The following TMED8 variants were observed in gnomAD, a reference collection of about 807,000 sequenced individuals.
The protein encoded by TMED8 is protein TMED8.
Under a neutral mutation model 32.7 loss-of-function variants are expected in TMED8, and 15 were observed. The ratio of observed to expected loss-of-function variants is 0.46; its 90% CI spans 0.31 to 0.71. The LOEUF (loss-of-function observed/expected upper bound fraction) is 0.71, where lower values mean the gene tolerates loss of function less well. TMED8 is among the 30% of genes least tolerant of loss of function. The pLI is 0.06. For synonymous variants in TMED8, 147 were observed against 161.4 expected (o/e 0.91, Z 0.68); for missense variants, 390 against 423.9 (o/e 0.92, Z 0.70).
In TMED8 at chr14:77,335,231, A is replaced by G. The variant is rs902035353; in HGVS notation, c.*6540T>C. On this transcript the variant is annotated 3_prime_UTR_variant, in exon 6 of 6. Transcript: ENST00000216468. Reference sequence around the variant, plus strand: ...ATAAAAATGGTATTTTAAAAGAAAAACCACTCAGCAGGACACAAGAATTAA... The same window carrying G: ...ATAAAAATGGTATTTTAAAAGAAAAGCCACTCAGCAGGACACAAGAATTAA... 2.6e-5 allele frequency: 4 copies of G among 152,180 alleles called. No homozygotes were observed. Among genetic ancestry groups the G allele is most frequent in the Non-Finnish European group, 4.4e-5 (3 of 68,016 alleles). The allele number at this position is 152,180 out of a possible 1,614,324, so 9.4% of individuals were successfully genotyped here. A position where few individuals can be genotyped will look rare whatever the true frequency, so the allele number is the denominator to read the frequency against.
Position 77,372,938 on chromosome 14 carries a change from ATATATATATATATATTTTTTTTTTTTTTT to A in TMED8, c.118+3969_118+3997del, listed in dbSNP as rs1205921184. On this transcript the variant is annotated intron_variant, in intron 1 of 5. Coordinates refer to ENST00000216468, the MANE Select transcript of TMED8 (RefSeq NM_213601.3). ...TATATATATATATATATATATATAT[ATATATATATATATATTTTTTTTTTTTTTT>A]TTTTTTTTTTTTTTTTGAGACAGCG... 2.0e-3 allele frequency among the ~76,000 whole-genome samples: 55 copies of A among 27,990 alleles called. 1 individual carries two copies. Among genetic ancestry groups the A allele is most frequent in the Admixed American group, 5.5e-3 (15 of 2,736 alleles). The allele number at this position is 27,990 out of a possible 152,430, so 18.4% of individuals were successfully genotyped here. A position where few individuals can be genotyped will look rare whatever the true frequency, so the allele number is the denominator to read the frequency against.
In TMED8 at chr14:77,376,877, G is replaced by T; in HGVS notation, c.118+59C>A. On this transcript the variant is annotated intron_variant, in intron 1 of 5. Coordinates refer to ENST00000216468, the MANE Select transcript of TMED8 (RefSeq NM_213601.3). This position sits in a 1 kb window ranked among gnomAD's most constrained non-coding sequence, Gnocchi z 4.0. Reference sequence around the variant, plus strand: ...ACAGAGCGCGGCGGAGGCTCGCGCCGTGGTGCGGGGCCCTGAGGCCGGGCG... The same window carrying T: ...ACAGAGCGCGGCGGAGGCTCGCGCCTTGGTGCGGGGCCCTGAGGCCGGGCG... The T allele has an allele frequency of 1.8e-6, 2 of 1,096,046 alleles. No individual in the cohort carries two copies. The highest frequency in any genetic ancestry group is 2.4e-6 in the Non-Finnish European group (2 of 830,734). 67.9% of individuals were successfully genotyped at this position (1,096,046 alleles called of 1,614,324 possible).
chr14:77,359,699 G>A (rs1893384410), intron 1 of TMED8: 2 of 276,236 alleles, frequency 7.2e-6, no homozygotes, highest in African/African-American at 2.3e-5. Context: ...AACCATGGTT[G>A]TTAGATGTCT....
In TMED8 at chr14:77,376,885, G is replaced by A. The variant is rs1050205527; in HGVS notation, c.118+51C>T. The A allele has an allele frequency of 2.4e-5, 28 of 1,158,374 alleles. No individual in the cohort carries two copies. The highest frequency in any genetic ancestry group is 3.0e-5 in the Non-Finnish European group (26 of 880,702). 71.8% of individuals were successfully genotyped at this position (1,158,374 alleles called of 1,614,324 possible). A position where few individuals can be genotyped will look rare whatever the true frequency, so the allele number is the denominator to read the frequency against. ...CGGCGGAGGCTCGCGCCGTGGTGCG[G>A]GGCCCTGAGGCCGGGCGGCACCCAC... On this transcript the variant is annotated intron_variant, in intron 1 of 5. Coordinates refer to ENST00000216468, the MANE Select transcript of TMED8 (RefSeq NM_213601.3). The surrounding 1 kb of genome is among the most constrained non-coding windows in gnomAD (Gnocchi z 4.0).
rs942750760 is a variant in TMED8, at chr14:77,341,721, G to C, written c.*50C>G. 8.8e-6 allele frequency: 14 copies of C among 1,588,364 alleles called. No individual in the cohort carries two copies. The Admixed American group carries it at 1.3e-4, about 15-fold the overall frequency. On this transcript the variant is annotated 3_prime_UTR_variant, in exon 6 of 6. Coordinates refer to ENST00000216468, the MANE Select transcript of TMED8 (RefSeq NM_213601.3). ...TATCCCAAACAAGAGGCACCAGCTG[G>C]CAGCCTGCTTCAGCCAGCAAATACA... is the stretch of plus-strand genomic sequence containing the variant.
At position 77,376,393 on chromosome 14, in the gene TMED8, T is replaced by C. The variant is rs1002361367; in HGVS notation, c.118+543A>G. Among the ~76,000 whole-genome samples, 17 of 152,210 alleles carry C rather than the reference T, an allele frequency of 1.1e-4. No homozygotes were observed. The highest frequency in any genetic ancestry group is 1.5e-4 in the Non-Finnish European group (10 of 68,028). ...TTCCCACTCTAAGCGATGGAGAGGA[T>C]GGCAGCAAGGCCAGGGGGCCTATGT... On this transcript the variant is annotated intron_variant, in intron 1 of 5. Transcript: ENST00000216468. This position sits in a 1 kb window ranked among gnomAD's most constrained non-coding sequence, Gnocchi z 4.0.
chr14:77,372,906 TTATATATATATATATATATATATA>T (rs1167584417), intron 1 of TMED8, among the ~76,000 whole-genome samples: 7 of 35,342 alleles, frequency 2.0e-4, no homozygotes, highest in African/African-American at 5.8e-4. Context: ...GCCACAGATA[TTATATATATATATATATATATATA>T]TATATATATA....
intron 1 of TMED8, among the ~76,000 whole-genome samples, chr14:77,354,692 G>A (rs1023194529): frequency 7.9e-5 from 12 of 152,196 alleles, no homozygotes; most frequent in African/African-American, 2.9e-4. Context: ...AGTGGCTCAT[G>A]CCTGTAATCC....
In TMED8 at chr14:77,338,462, T is replaced by C. The variant is rs143408357; in HGVS notation, c.*3309A>G. 1 of 152,340 alleles carries C rather than the reference T, an allele frequency of 6.6e-6. No individual in the cohort carries two copies. The highest frequency in any genetic ancestry group is 1.9e-4 in the East Asian group (1 of 5,180). The allele number at this position is 152,340 out of a possible 1,614,324, so 9.4% of individuals were successfully genotyped here. Reference sequence around the variant, plus strand: ...CTCCCTTACTTTAACTTAAGCTGACTTCATCTTTTCAGGTAAAGTTTAACT... The same window carrying C: ...CTCCCTTACTTTAACTTAAGCTGACCTCATCTTTTCAGGTAAAGTTTAACT... On this transcript the variant is annotated 3_prime_UTR_variant, in exon 6 of 6. Coordinates refer to ENST00000216468, the MANE Select transcript of TMED8 (RefSeq NM_213601.3).
Position 77,340,653 on chromosome 14 carries a change from G to A in TMED8, c.*1118C>T, listed in dbSNP as rs1892874732. 1 of 152,146 alleles carries A rather than the reference G, an allele frequency of 6.6e-6. No individual in the cohort carries two copies. Among genetic ancestry groups the A allele is most frequent in the Non-Finnish European group, 1.5e-5 (1 of 68,048 alleles). The allele number at this position is 152,146 out of a possible 1,614,324, so 9.4% of individuals were successfully genotyped here. On this transcript the variant is annotated 3_prime_UTR_variant, in exon 6 of 6. Coordinates refer to ENST00000216468, the MANE Select transcript of TMED8 (RefSeq NM_213601.3). ...CTGTCACCAGGGAAATGCAAGCTTT[G>A]GTCAGGTAAAGAACAAATACAATCA...
rs774005533 is a variant in TMED8 at position 77,343,053 on chromosome 14, T to C, written c.760+125A>G. The C allele has an allele frequency of 5.3e-4, 509 of 954,264 alleles. 2 individuals are homozygous for C. Among genetic ancestry groups the C allele is most frequent in the Non-Finnish European group, 7.3e-4 (471 of 645,276 alleles). The allele number at this position is 954,264 out of a possible 1,614,324, so 59.1% of individuals were successfully genotyped here. On this transcript the variant is annotated intron_variant, in intron 5 of 5. Transcript: ENST00000216468. ...TCTCTTTGGCCTGTACCACTCAGCT[T>C]AGCTTGTAATGCTGAGTTTCTCAAC...
intron 2 of TMED8, among the ~76,000 whole-genome samples, chr14:77,348,413 C>T (rs1893100350): frequency 6.6e-6 from 1 of 151,994 alleles, no homozygotes; most frequent in African/African-American, 2.4e-5. Context: ...TTAGTAGAGA[C>T]GTGGTTTCAC....
intron 1 of TMED8, among the ~76,000 whole-genome samples, chr14:77,367,081 C>T (rs1056487180): frequency 6.6e-5 from 10 of 151,644 alleles, no homozygotes; most frequent in African/African-American, 2.2e-4. Context: ...CCCGCCTCTA[C>T]TAAAAATACA....
chr14:77,341,139 G>C lies in TMED8; in HGVS notation c.*632C>G, dbSNP rs1294617091. ...TTGAGATTGCATGAATGTTCTTGCT[G>C]TAATGGCAAAAACATAGACTTAGGA... On this transcript the variant is annotated 3_prime_UTR_variant, in exon 6 of 6. Coordinates refer to ENST00000216468, the MANE Select transcript of TMED8 (RefSeq NM_213601.3). 6.5e-6 allele frequency: 1 copy of C among 152,676 alleles called. No homozygotes were observed. The highest frequency in any genetic ancestry group is 2.4e-5 in the African/African-American group (1 of 41,458). The allele number at this position is 152,676 out of a possible 1,614,324, so 9.5% of individuals were successfully genotyped here. A position where few individuals can be genotyped will look rare whatever the true frequency, so the allele number is the denominator to read the frequency against.
intron 1 of TMED8, among the ~76,000 whole-genome samples, chr14:77,370,388 CTT>C (rs1893650113): frequency 6.6e-6 from 1 of 151,998 alleles, no homozygotes; most frequent in African/African-American, 2.4e-5. Context: ...TCTAAGGAGA[CTT>C]ATAACCTTTT....
intron 5 of TMED8, among the ~76,000 whole-genome samples, chr14:77,342,199 C>G (rs74795289): frequency 0.097 from 14,820 of 152,054 alleles, 1,254 homozygotes; most frequent in African/African-American, 0.23. Flanking sequence ...GTGCTAAAAT[C>G]AGGATAGTAC....
intron 1 of TMED8, among the ~76,000 whole-genome samples, chr14:77,356,192 G>A (rs1193245878): frequency 1.3e-5 from 2 of 152,068 alleles, no homozygotes; most frequent in African/African-American, 4.8e-5. Context: ...ACATATGAAA[G>A]ATTGCATGAA....
intron 5 of TMED8, 123 bp downstream of exon 5, chr14:77,343,055 G>A (rs1796009137): frequency 3.1e-6 from 3 of 960,840 alleles, no homozygotes; most frequent in Admixed American, 2.4e-5. Context: ...ACTCAGCTTA[G>A]CTTGTAATGC....
chr14:77,363,332 G>T (rs1566692255), intron 1 of TMED8, among the ~76,000 whole-genome samples: 1 of 152,140 alleles, frequency 6.6e-6, no homozygotes, highest in Non-Finnish European at 1.5e-5. Context: ...CAAAGATGTG[G>T]AAATTAAACA....
Sources: gnomAD v4.1 joint callset for allele counts (sites outside exome capture counted in the v4.1 genomes callset) on GRCh38, gnomAD v4.1.1 for gene constraint, Gnocchi (gnomAD v3.1) non-coding constraint, MANE v1.5 for transcripts, NCBI Gene and HGNC (gene_info 2026-07-23, HGNC 2026-07-21) for gene names.